The following TSPAN5 variants were observed in gnomAD, a reference collection of about 807,000 sequenced individuals.
The protein encoded by TSPAN5 is tetraspanin-5.
In TSPAN5, 10 loss-of-function variants were observed where a neutral mutation model predicts 37.1. The observed-to-expected ratio is 0.27, with a 90% CI of 0.17 to 0.46. The LOEUF (loss-of-function observed/expected upper bound fraction) is 0.46, where lower values mean the gene tolerates loss of function less well. Ranked by LOEUF, TSPAN5 falls within the 20% of genes least tolerant of loss-of-function variation. TSPAN5 has a pLI of 1.00. For missense variants in TSPAN5, 195 were observed against 326.6 expected (o/e 0.60, Z 3.11); for synonymous variants, 110 against 118.9 (o/e 0.93, Z 0.48).
intron 1 of TSPAN5, among the ~76,000 whole-genome samples, chr4:98,558,492 G>A (rs909655101): frequency 6.6e-6 from 1 of 152,150 alleles, no homozygotes; most frequent in African/African-American, 2.4e-5. Flanking sequence ...CTTGTGCACC[G>A]CTGCTAGCTA....
intron 1 of TSPAN5, 89 bp from the exon 2 acceptor site, chr4:98,507,817 C>T (rs537247272): frequency 1.1e-6 from 1 of 935,922 alleles, no homozygotes; most frequent in South Asian, 1.6e-5. Flanking sequence ...TGTCACTTTA[C>T]CTGGCTGGGA....
intron 1 of TSPAN5, among the ~76,000 whole-genome samples, chr4:98,541,975 C>T (rs1371010620): frequency 6.6e-6 from 1 of 152,144 alleles, no homozygotes. Context: ...AATTTACCCC[C>T]ACACAAAATG....
intron 1 of TSPAN5, among the ~76,000 whole-genome samples, chr4:98,554,600 T>C (rs539214215): frequency 3.6e-4 from 55 of 152,380 alleles, no homozygotes; most frequent in Non-Finnish European, 6.5e-4. Flanking sequence ...GAAATTACCA[T>C]ATTATCTTTA....
At chr4:98,490,932 C>G (rs904443889) in intron 2 of TSPAN5, among the ~76,000 whole-genome samples, 3 of 151,988 alleles carry the variant, frequency 2.0e-5, no homozygotes, top group Non-Finnish European at 2.9e-5. Flanking sequence ...CGTGGCAGCA[C>G]GCGCCTGTAG....
At chr4:98,544,799 G>A (rs1754432897) in intron 1 of TSPAN5, among the ~76,000 whole-genome samples, 1 of 152,212 alleles carries the variant, frequency 6.6e-6, no homozygotes, top group African/African-American at 2.4e-5. Flanking sequence ...TTTAAATTAA[G>A]AGTGGAAATG....
intron 1 of TSPAN5, among the ~76,000 whole-genome samples, chr4:98,615,358 C>T (rs1183066336): frequency 6.6e-6 from 1 of 152,212 alleles, no homozygotes; most frequent in East Asian, 1.9e-4. Context: ...AAATTGTTCC[C>T]ACCTTTAAGG....
At chr4:98,503,585 C>T (rs570123495) in intron 2 of TSPAN5, among the ~76,000 whole-genome samples, 1 of 152,300 alleles carries the variant, frequency 6.6e-6, no homozygotes, top group South Asian at 2.1e-4. Flanking sequence ...GAAGGTCTTT[C>T]CAACAGGAAG....
intron 1 of TSPAN5, among the ~76,000 whole-genome samples, chr4:98,621,794 C>T (rs535342095): frequency 6.6e-6 from 1 of 151,132 alleles, no homozygotes; most frequent in Admixed American, 6.6e-5. Flanking sequence ...TCCCACCCCC[C>T]CCGCAGCCCC....
At chr4:98,609,636 T>C (rs560149062) in intron 1 of TSPAN5, among the ~76,000 whole-genome samples, 1 of 152,282 alleles carries the variant, frequency 6.6e-6, no homozygotes, top group Admixed American at 6.5e-5. Context: ...TGAGCAAGCT[T>C]TCCTTTGCAA....
chr4:98,599,532 C>T (rs1755836472), intron 1 of TSPAN5, among the ~76,000 whole-genome samples: 2 of 152,196 alleles, frequency 1.3e-5, no homozygotes, highest in Non-Finnish European at 2.9e-5. Context: ...ATGTAACCAT[C>T]CCCACAATCA....
At chr4:98,614,707 AT>A (rs1296275180) in intron 1 of TSPAN5, among the ~76,000 whole-genome samples, 2 of 152,252 alleles carry the variant, frequency 1.3e-5, no homozygotes, top group African/African-American at 2.4e-5. Context: ...GATTTATAAA[AT>A]GTATTAATTC....
chr4:98,519,054 A>C (rs28704122), intron 1 of TSPAN5, among the ~76,000 whole-genome samples: 4,769 of 152,324 alleles, frequency 0.031, 116 homozygotes, highest in East Asian at 0.099. Flanking sequence ...AGGTAGCAAG[A>C]CAAATTGGGA....
At chr4:98,494,164 G>A (rs1355448125) in intron 2 of TSPAN5, among the ~76,000 whole-genome samples, 1 of 152,122 alleles carries the variant, frequency 6.6e-6, no homozygotes, top group Non-Finnish European at 1.5e-5. Flanking sequence ...TGGTACAAGG[G>A]AGACTCTGAT....
intron 2 of TSPAN5, among the ~76,000 whole-genome samples, chr4:98,488,596 T>C (rs1753023024): frequency 6.6e-6 from 1 of 152,192 alleles, no homozygotes; most frequent in South Asian, 2.1e-4. Flanking sequence ...CAAGTCTGCA[T>C]AGACCAAAGG....
Position 98,658,256 on chromosome 4 carries a change from G to T in TSPAN5, c.-30C>A. The T allele has an allele frequency of 6.3e-7, 1 of 1,594,896 alleles. No homozygotes were observed. Among genetic ancestry groups the T allele is most frequent in the Non-Finnish European group, 8.6e-7 (1 of 1,162,612 alleles). ...TGGGTTCATGAAGACACTTGCCCCG[G>T]CAGCCCGAGTTTGGAGCTCCGAAGC... On this transcript the variant is annotated 5_prime_UTR_variant, in exon 1 of 8. Coordinates refer to ENST00000305798, the MANE Select transcript of TSPAN5 (RefSeq NM_005723.4).
chr4:98,588,278 A>T (rs1263184459), intron 1 of TSPAN5, among the ~76,000 whole-genome samples: 2 of 152,136 alleles, frequency 1.3e-5, no homozygotes, highest in East Asian at 3.8e-4. Flanking sequence ...AAGTGTGCCG[A>T]TGTCACATGA....
At chr4:98,582,919 T>C (rs1312312461) in intron 1 of TSPAN5, among the ~76,000 whole-genome samples, 1 of 152,218 alleles carries the variant, frequency 6.6e-6, no homozygotes, top group East Asian at 1.9e-4. Flanking sequence ...ATAGCTGTTA[T>C]GAGTTGTGAA....
At chr4:98,480,392 A>T (rs536870453) in intron 4 of TSPAN5, among the ~76,000 whole-genome samples, 2 of 152,352 alleles carry the variant, frequency 1.3e-5, no homozygotes, top group Non-Finnish European at 2.9e-5. Flanking sequence ...AACTTTAAAA[A>T]GTCAGTCTTC....
intron 1 of TSPAN5, among the ~76,000 whole-genome samples, chr4:98,616,772 C>T (rs777880185): frequency 2.0e-5 from 3 of 152,024 alleles, no homozygotes. Flanking sequence ...AGATCATTTA[C>T]GAGAGAGGGA....
Sources: allele counts gnomAD v4.1 joint callset (sites outside exome capture counted in the v4.1 genomes callset), GRCh38; gene constraint gnomAD v4.1.1; transcripts MANE v1.5; gene names NCBI Gene and HGNC (gene_info 2026-07-23, HGNC 2026-07-21).